Variants in CCDC33 observed in about 807,000 individuals in gnomAD.
The protein encoded by CCDC33 is coiled-coil domain-containing protein 33.
CCDC33 carries 94 observed loss-of-function variants against 91.9 expected under a neutral mutation model. The ratio of observed to expected loss-of-function variants is 1.02; its 90% CI spans 0.87 to 1.21. CCDC33 has a LOEUF of 1.21. Ranked by LOEUF, CCDC33 falls within the 50% of genes most tolerant of loss-of-function variation. The pLI is 0.00. For missense variants in CCDC33, 940 were observed against 935.5 expected (o/e 1.00, Z -0.06); for synonymous variants, 396 against 374.5 (o/e 1.06, Z -0.66).
At chr15:74,271,910 C>T (rs1412797869) in intron 6 of CCDC33, 116 bp downstream of exon 6, 4 of 790,092 alleles carry the variant, frequency 5.1e-6, no homozygotes, top group East Asian at 2.7e-5. Flanking sequence ...CCCCTCTACC[C>T]CTAAGGCCCT....
In CCDC33 at chr15:74,308,033, G is replaced by A. The variant is rs536083544; in HGVS notation, c.1290+12085G>A. ...AGGCCCTGGAAGCAGGGGAGTGCCA[G>A]GATCCCAGTTACCCAGGGTGAGGTC... On this transcript the variant is annotated intron_variant, in intron 11 of 18. Coordinates refer to ENST00000398814, the MANE Select transcript of CCDC33 (RefSeq NM_025055.5). 1.5e-3 allele frequency among the ~76,000 whole-genome samples: 233 copies of A among 152,230 alleles called. 1 individual carries two copies. The highest frequency in any genetic ancestry group is 5.6e-3 in the African/African-American group (231 of 41,552).
At chr15:74,243,525 A>G (rs1006591197) in intron 1 of CCDC33, among the ~76,000 whole-genome samples, 3 of 152,210 alleles carry the variant, frequency 2.0e-5, no homozygotes, top group Admixed American at 2.0e-4. Flanking sequence ...GGATGGGGAC[A>G]GAAGTAGGGA....
rs116093171 is a variant in CCDC33, at chr15:74,244,882, C to T, written c.185+734C>T. Among the ~76,000 whole-genome samples the T allele has an allele frequency of 8.9e-3, 1,360 of 152,292 alleles. 24 individuals carry two copies. Among genetic ancestry groups the T allele is most frequent in the African/African-American group, 0.031 (1,304 of 41,548 alleles). ...CACCCCTAGACCTTCTATAGACAGA[C>T]GGCGGGAGCCTTGGTGGCCTCCCAC... On this transcript the variant is annotated intron_variant, in intron 2 of 18. Transcript: ENST00000398814. This position sits in a 1 kb window ranked among gnomAD's most constrained non-coding sequence, Gnocchi z 4.2.
chr15:74,304,534 G>A (rs1596075718), intron 11 of CCDC33: 1 of 152,244 alleles, frequency 6.6e-6, no homozygotes, highest in South Asian at 2.1e-4. Flanking sequence ...AGATATTTAC[G>A]GCTCCGTTTC....
intron 11 of CCDC33, among the ~76,000 whole-genome samples, chr15:74,298,932 CA>C (rs2142639542): frequency 6.6e-6 from 1 of 152,156 alleles, no homozygotes; most frequent in East Asian, 1.9e-4. Flanking sequence ...AGGATAGTCC[CA>C]AGCTCTTAAC....
chr15:74,315,425 C>T (rs78331265), intron 11 of CCDC33, among the ~76,000 whole-genome samples: 2,050 of 152,300 alleles, frequency 0.013, 64 homozygotes, highest in African/African-American at 0.047. Flanking sequence ...ACTCTGGAAC[C>T]AGCTCACCCA....
Position 74,282,060 on chromosome 15 carries a change from G to A in CCDC33, c.1095+211G>A, listed in dbSNP as rs570170381. 2.0e-5 allele frequency among the ~76,000 whole-genome samples: 3 copies of A among 152,320 alleles called. No homozygotes were observed. In the East Asian group the frequency reaches 5.8e-4, roughly 29 times the overall value. On this transcript the variant is annotated intron_variant, in intron 10 of 18. Transcript: ENST00000398814. ...AGAGTTGTGAGCAGAGGGCCACCCA[G>A]ACCTTGGAGTCAGCCTCTGACCAAG... is the stretch of plus-strand genomic sequence containing the variant.
chr15:74,217,706 C>A, intron 1 of CCDC33: 1 of 749,026 alleles, frequency 1.3e-6, no homozygotes, highest in Non-Finnish European at 1.8e-6. Context: ...AGACTGCATC[C>A]CAAAGCTCTG....
chr15:74,252,500 C>T (rs987540811), intron 2 of CCDC33, among the ~76,000 whole-genome samples: 3 of 152,222 alleles, frequency 2.0e-5, no homozygotes, highest in South Asian at 2.1e-4. Context: ...ACTGCGAGCT[C>T]GGCTATTTAC....
At chr15:74,212,364 G>A (rs1391814754), upstream of CCDC33, 1 of 152,298 alleles carries the variant, frequency 6.6e-6, no homozygotes, top group Non-Finnish European at 1.5e-5. Context: ...GGCAGAGGGG[G>A]GCTGTCAGGG....
chr15:74,248,981 AT>A (rs1223560877), intron 2 of CCDC33, among the ~76,000 whole-genome samples: 2 of 152,294 alleles, frequency 1.3e-5, no homozygotes, highest in East Asian at 3.9e-4. Context: ...AGTGCCTTAA[AT>A]CAGCTTAGAT....
Position 74,268,325 on chromosome 15 carries a change from C to T in CCDC33, c.430-17C>T, listed in dbSNP as rs779697180. The T allele has an allele frequency of 2.5e-6, 4 of 1,591,434 alleles. No individual in the cohort carries two copies. In the South Asian group the frequency reaches 4.4e-5, roughly 18 times the overall value. The stretch of plus-strand genomic sequence containing the variant: ...ACTCTCCTTCCTCTGTGTCTTCTGC[C>T]CCAACCCTGTCTCCAGCCCACTGAG... On this transcript the variant is annotated splice_polypyrimidine_tract_variant and intron_variant, in intron 4 of 18. Transcript: ENST00000398814.
chr15:74,326,891 C>G (rs927009159), intron 11 of CCDC33, among the ~76,000 whole-genome samples: 2 of 152,132 alleles, frequency 1.3e-5, no homozygotes, highest in Non-Finnish European at 2.9e-5. Context: ...TGGGCTGTGA[C>G]GCAGAGCATG....
rs117492827 is a variant in CCDC33 at position 74,275,237 on chromosome 15, G to T, written c.759+2346G>T. Among the ~76,000 whole-genome samples the T allele has an allele frequency of 3.4e-3, 523 of 152,332 alleles. 4 individuals are homozygous for T. The highest frequency in any genetic ancestry group is 5.2e-3 in the Admixed American group (80 of 15,298). On this transcript the variant is annotated intron_variant, in intron 7 of 18. Coordinates refer to ENST00000398814, the MANE Select transcript of CCDC33 (RefSeq NM_025055.5). ...TTTGACCCCAGCTCTGTAACTTACT[G>T]GCTGCATGACCTTTGGTAAGCTGCT...
intron 11 of CCDC33, among the ~76,000 whole-genome samples, chr15:74,318,038 G>A (rs1022143002): frequency 2.0e-5 from 3 of 151,200 alleles, no homozygotes; most frequent in Non-Finnish European, 4.4e-5. Flanking sequence ...GGGGCCCTAA[G>A]CCACACTGCA....
chr15:74,212,627 G>A (rs1452795675), upstream of CCDC33: 2 of 152,194 alleles, frequency 1.3e-5, no homozygotes, highest in East Asian at 1.9e-4. Context: ...GAAGAGACGA[G>A]GCTTCTAATT....
At chr15:74,286,324 TCTC>T (rs756570109) in intron 10 of CCDC33, among the ~76,000 whole-genome samples, 2 of 152,088 alleles carry the variant, frequency 1.3e-5, no homozygotes, top group African/African-American at 2.4e-5. Flanking sequence ...AAACCTTTGG[TCTC>T]CTCCATTCCT....
At chr15:74,267,014 A>G (rs922334783) in intron 4 of CCDC33, among the ~76,000 whole-genome samples, 11 of 152,180 alleles carry the variant, frequency 7.2e-5, no homozygotes, top group Non-Finnish European at 1.5e-4. Context: ...GCTGATTATT[A>G]TAGGACAACT....
At chr15:74,270,864 G>T (rs351163) in intron 5 of CCDC33, among the ~76,000 whole-genome samples, 150,044 of 152,220 alleles carry the variant, frequency 0.99, 73,994 homozygotes, top group East Asian at 1. Flanking sequence ...GACCCCGCTC[G>T]GCTCTCTGAA....
Sources: allele counts gnomAD v4.1 joint callset (sites outside exome capture counted in the v4.1 genomes callset), GRCh38; gene constraint gnomAD v4.1.1; non-coding constraint Gnocchi (gnomAD v3.1); transcripts MANE v1.5; gene names NCBI Gene and HGNC (gene_info 2026-07-23, HGNC 2026-07-21).